Variants in GAB4 observed in about 807,000 individuals in gnomAD.
The protein encoded by GAB4 is GRB2-associated-binding protein 4.
GAB4 carries 26 observed loss-of-function variants against 51.3 expected under a neutral mutation model. The observed-to-expected ratio is 0.51, with a 90% confidence interval of 0.37 to 0.70. The LOEUF (loss-of-function observed/expected upper bound fraction) is 0.70, where lower values mean the gene tolerates loss of function less well. GAB4 is among the 30% of genes least tolerant of loss of function. GAB4 has a pLI of 0.00. For missense variants in GAB4, 759 were observed against 734.6 expected (o/e 1.03, Z -0.38); for synonymous variants, 329 against 291.2 (o/e 1.13, Z -1.32).
At chr22:17,007,810 G>T in intron 1 of GAB4, 131 bp downstream of exon 1, 1 of 799,562 alleles carries the variant, frequency 1.3e-6, no homozygotes, top group Non-Finnish European at 1.9e-6. Flanking sequence ...AGTCGCCTTC[G>T]CATGCAGACG....
chr22:16,983,607 A>T (rs1471471346), intron 3 of GAB4, among the ~76,000 whole-genome samples: 2 of 152,242 alleles, frequency 1.3e-5, no homozygotes, highest in Non-Finnish European at 1.5e-5. Flanking sequence ...ATGGACACAC[A>T]GGCCAATGGA....
At chr22:16,987,262 C>T (rs2060875777) in intron 3 of GAB4, among the ~76,000 whole-genome samples, 1 of 152,204 alleles carries the variant, frequency 6.6e-6, no homozygotes, top group African/African-American at 2.4e-5. Context: ...CAAGCCCATC[C>T]CCTCTGCACA....
Position 16,991,414 on chromosome 22 carries a change from T to A in GAB4, c.478+459A>T, listed in dbSNP as rs2060913133. Among the ~76,000 whole-genome samples the A allele has an allele frequency of 2.0e-5, 3 of 152,160 alleles. No individual in the cohort carries two copies. The South Asian group carries it at 6.2e-4, about 32-fold the overall frequency. On this transcript the variant is annotated intron_variant, in intron 2 of 9. Transcript: ENST00000400588. ...CATTTCTGCAACTTACAACTCATTT[T>A]AAAAAGCTGAACTACTCTTTTGTGA...
chr22:16,990,902 C>T (rs1188409736), intron 2 of GAB4, among the ~76,000 whole-genome samples: 2 of 152,080 alleles, frequency 1.3e-5, no homozygotes, highest in African/African-American at 4.8e-5. Flanking sequence ...TACTTACTGA[C>T]ATTCTCACGA....
At chr22:16,973,088 A>C (rs983877455) in intron 3 of GAB4, among the ~76,000 whole-genome samples, 1 of 152,110 alleles carries the variant, frequency 6.6e-6, no homozygotes, top group African/African-American at 2.4e-5. Flanking sequence ...CTTATCCTTC[A>C]AATTCAGCTC....
chr22:17,007,620 G>A (rs111579171), intron 1 of GAB4, among the ~76,000 whole-genome samples: 1 of 152,268 alleles, frequency 6.6e-6, no homozygotes, highest in African/African-American at 2.4e-5. Flanking sequence ...GAAGGGGAGC[G>A]GGTGCGAGGT....
chr22:17,007,371 G>A (rs1483850730), intron 1 of GAB4, among the ~76,000 whole-genome samples: 1 of 152,214 alleles, frequency 6.6e-6, no homozygotes, highest in Non-Finnish European at 1.5e-5. Flanking sequence ...AGCAGGCGTG[G>A]TGGCATGGAA....
intron 1 of GAB4, among the ~76,000 whole-genome samples, chr22:16,992,898 T>C (rs1264134541): frequency 6.6e-6 from 1 of 152,134 alleles, no homozygotes; most frequent in Non-Finnish European, 1.5e-5. Context: ...TTCTTTAATA[T>C]ATTTTTTTGC....
intron 1 of GAB4, among the ~76,000 whole-genome samples, chr22:16,995,814 A>G (rs2060945564): frequency 6.6e-6 from 1 of 152,184 alleles, no homozygotes. Context: ...GATCACCAAC[A>G]TCAAAGACCA....
intron 6 of GAB4, 87 bp downstream of exon 6, chr22:16,966,013 G>C: frequency 7.8e-7 from 1 of 1,276,642 alleles, no homozygotes; most frequent in Non-Finnish European, 1.1e-6. Context: ...GCCAAAGTCA[G>C]ACGTTCCACA....
intron 5 of GAB4, 53 bp from the exon 6 acceptor site, chr22:16,966,417 G>C (rs2060675777): frequency 6.4e-7 from 1 of 1,556,030 alleles, no homozygotes. Context: ...GAACAAGATA[G>C]GAATGAGAAT....
chr22:16,970,240 G>A (rs752008649), intron 3 of GAB4, 47 bp from the exon 4 acceptor site: 1 of 1,606,056 alleles, frequency 6.2e-7, no homozygotes, highest in Non-Finnish European at 8.5e-7. Context: ...AGGAGGCCAG[G>A]ACTGCCCCAG....
Position 16,962,608 on chromosome 22 carries a change from T to G in GAB4, c.*125A>C. The G allele has an allele frequency of 1.2e-6, 1 of 822,272 alleles. No homozygotes were observed. 50.9% of individuals were successfully genotyped at this position (822,272 alleles called of 1,614,324 possible). A position where few individuals can be genotyped will look rare whatever the true frequency, so the allele number is the denominator to read the frequency against. ...AGGTGGGCCCCAAGCAGGCAAAGGA[T>G]GTATATTGATCAGGCCTCTGCTCTC... On this transcript the variant is annotated 3_prime_UTR_variant, in exon 10 of 10. Coordinates refer to ENST00000400588, the MANE Select transcript of GAB4 (RefSeq NM_001037814.1).
At chr22:16,987,234 C>T (rs1448840451) in intron 3 of GAB4, among the ~76,000 whole-genome samples, 1 of 152,206 alleles carries the variant, frequency 6.6e-6, no homozygotes, top group Non-Finnish European at 1.5e-5. Context: ...ACAGTAGCAA[C>T]TGAGCACCAG....
Position 16,963,787 on chromosome 22 carries a change from A to C in GAB4, c.1519T>G (p.Ser507Ala). Residue 507 changes from serine (S) to alanine (A), a missense_variant, in exon 9 of 10, where the codon TCA (serine) becomes GCA (alanine). Ser to Ala is a moderately conservative substitution (Grantham distance 99, BLOSUM62 1). Around this residue, in one of 3 missense-constraint regions of GAB4, gnomAD observed 588 missense variants for 510.2 expected, o/e 1.15. Transcript: ENST00000400588. ...AFPVSGGTSS[S>A]APPRSTGNIH... ...TTACCAGTGCTCCTCGGCGGGGCTG[A>C]ACTGCTGGTGCCACCGGAAACAGGA... 2 of 1,613,912 alleles carry C rather than the reference A, an allele frequency of 1.2e-6. No homozygotes were observed. The highest frequency in any genetic ancestry group is 1.7e-6 in the Non-Finnish European group (2 of 1,179,970).
At chr22:16,972,504 CAAG>C (rs2060740428) in intron 3 of GAB4, among the ~76,000 whole-genome samples, 1 of 152,150 alleles carries the variant, frequency 6.6e-6, no homozygotes, top group African/African-American at 2.4e-5. Flanking sequence ...CTGAAGGGAT[CAAG>C]AGCTTCGGAA....
In GAB4 at chr22:16,962,841, C is replaced by T. The variant is rs1266871730; in HGVS notation, c.1617G>A (p.Val539=). Residue 539 remains valine, a synonymous_variant, in exon 10 of 10, where the codon GTG becomes GTA. Transcript: ENST00000400588. ...SIGSVTSGKK[V]DYVQVDLEKT... Reference sequence around the variant, plus strand: ...TCTCCAGATCCACCTGGACATAGTCCACCTTCTTGCCGGACGTGACAGAGC... The same window carrying T: ...TCTCCAGATCCACCTGGACATAGTCTACCTTCTTGCCGGACGTGACAGAGC... 2 of 1,613,530 alleles carry T rather than the reference C, an allele frequency of 1.2e-6. No homozygotes were observed. The highest frequency in any genetic ancestry group is 1.7e-6 in the Non-Finnish European group (2 of 1,179,752).
chr22:17,003,907 T>C (rs1404081922), intron 1 of GAB4, among the ~76,000 whole-genome samples: 7 of 151,626 alleles, frequency 4.6e-5, no homozygotes, highest in Middle Eastern at 3.2e-3. Flanking sequence ...AAAAATTAGA[T>C]AGACCGCTAG....
chr22:16,962,622 G>T lies in GAB4; in HGVS notation c.*111C>A. 2.0e-6 allele frequency: 2 copies of T among 1,005,892 alleles called. No individual in the cohort carries two copies. Among genetic ancestry groups the T allele is most frequent in the East Asian group, 5.2e-5 (2 of 38,530 alleles). The allele number at this position is 1,005,892 out of a possible 1,614,324, so 62.3% of individuals were successfully genotyped here. On this transcript the variant is annotated 3_prime_UTR_variant, in exon 10 of 10. Transcript: ENST00000400588. ...CAGGCAAAGGATGTATATTGATCAGGCCTCTGCTCTCTATGTAAGGGATGC... is the reference window on the plus strand; with the variant it reads ...CAGGCAAAGGATGTATATTGATCAGTCCTCTGCTCTCTATGTAAGGGATGC...
Sources: gnomAD v4.1 joint callset for allele counts (sites outside exome capture counted in the v4.1 genomes callset) on GRCh38, gnomAD v4.1.1 for gene constraint, gnomAD v4.1.1 regional missense constraint, MANE v1.5 for transcripts, NCBI Gene and HGNC (gene_info 2026-07-23, HGNC 2026-07-21) for gene names.